Variants in GIMAP4 observed in about 807,000 individuals in gnomAD.
GIMAP4 encodes the protein GTPase IMAP family member 4.
A neutral mutation model predicts 10.8 loss-of-function variants in GIMAP4; 12 were observed. The observed-to-expected ratio is 1.11, with a 90% CI of 0.71 to 1.81. The LOEUF is 1.81. GIMAP4 is among the 40% of genes most tolerant of loss of function. The probability of loss-of-function intolerance (pLI) is 0.00; values close to 1 mark genes in which losing one functional copy is unlikely to be tolerated. For missense variants in GIMAP4, 412 were observed against 404.6 expected (o/e 1.02, Z -0.16); for synonymous variants, 149 against 147.2 (o/e 1.01, Z -0.09).
intron 2 of GIMAP4, 60 bp from the exon 3 acceptor site, chr7:150,572,069 G>C (rs958880388): frequency 2.1e-5 from 23 of 1,106,908 alleles, no homozygotes; most frequent in Non-Finnish European, 2.9e-5. Context: ...GGACTCTGCA[G>C]GGGAATCTAT....
At position 150,573,042 on chromosome 7, in the gene GIMAP4, T is replaced by C. The variant is rs1440698392; in HGVS notation, c.972T>C (p.Arg324=). ...ALQIASFILL[R]LFAED ...AGATTGCTTCCTTTATTTTGTTACG[T>C]CTGTTCGCGGAAGATTAAACTTAAT... is the stretch of plus-strand genomic sequence containing the variant. The change falls in exon 3 of 3, where the codon CGT becomes CGC. Residue 324 remains arginine, a synonymous_variant. Transcript: ENST00000255945. 6.3e-7 allele frequency: 1 copy of C among 1,596,472 alleles called. No homozygotes were observed. Among genetic ancestry groups the C allele is most frequent in the African/African-American group, 1.3e-5 (1 of 74,474 alleles).
chr7:150,568,054 G>T (rs1189980299), intron 1 of GIMAP4, among the ~76,000 whole-genome samples: 1 of 152,112 alleles, frequency 6.6e-6, no homozygotes. Flanking sequence ...GGCAGAGAGA[G>T]GAGAATTCAG....
At chr7:150,569,096 T>C (rs999719381) in intron 1 of GIMAP4, among the ~76,000 whole-genome samples, 7 of 152,208 alleles carry the variant, frequency 4.6e-5, no homozygotes, top group Non-Finnish European at 8.8e-5. Context: ...CTATGGGCCA[T>C]TCTGAGGACT....
At position 150,572,632 on chromosome 7, in the gene GIMAP4, G is replaced by T; in HGVS notation, c.562G>T (p.Ala188Ser). 3 of 1,614,196 alleles carry T rather than the reference G, an allele frequency of 1.9e-6. No homozygotes were observed. The highest frequency in any genetic ancestry group is 2.5e-6 in the Non-Finnish European group (3 of 1,180,020). Residue 188 changes from alanine to serine, a missense_variant, in exon 3 of 3, where the codon GCG (alanine) becomes TCG (serine). By Grantham distance (99) the Ala-to-Ser change is moderately conservative (BLOSUM62 1). Coordinates refer to ENST00000255945, the MANE Select transcript of GIMAP4 (RefSeq NM_018326.3). Reference protein sequence around the residue: ...LMDIFGDRYCALNNKATGAEQ... With the variant: ...LMDIFGDRYCSLNNKATGAEQ... ...GGACATTTTCGGTGACCGCTACTGT[G>T]CGTTAAACAACAAGGCAACAGGCGC...
At chr7:150,570,958 A>T (rs1795721897) in intron 2 of GIMAP4, among the ~76,000 whole-genome samples, 1 of 152,306 alleles carries the variant, frequency 6.6e-6, no homozygotes, top group Admixed American at 6.5e-5. Context: ...GATGGGAGGA[A>T]CTGCAAATCT....
chr7:150,572,186 C>T lies in GIMAP4; in HGVS notation c.116C>T (p.Thr39Ile). Residue 39 changes from threonine to isoleucine, a missense_variant, in exon 3 of 3, where the codon ACC (threonine) becomes ATC (isoleucine). Thr to Ile is a moderately conservative substitution (Grantham distance 89, BLOSUM62 -1). Coordinates refer to ENST00000255945, the MANE Select transcript of GIMAP4 (RefSeq NM_018326.3). ...TTGAGAATTGTGTTAGTGGGTAAAACCGGAGCAGGAAAAAGTGCAACAGGA... is the reference window on the plus strand; with the variant it reads ...TTGAGAATTGTGTTAGTGGGTAAAATCGGAGCAGGAAAAAGTGCAACAGGA... ...SQLRIVLVGK[T>I]GAGKSATGNS... 6.2e-7 allele frequency: 1 copy of T among 1,613,682 alleles called. No homozygotes were observed. The highest frequency in any genetic ancestry group is 2.2e-5 in the East Asian group (1 of 44,868).
At chr7:150,572,089 A>G (rs758837877) in intron 2 of GIMAP4, 40 bp from the exon 3 acceptor site, 1 of 1,368,428 alleles carries the variant, frequency 7.3e-7, no homozygotes, top group Non-Finnish European at 1.0e-6. Context: ...TTAGAGGTAG[A>G]TTCTAACAGC....
rs772433253 is a variant in GIMAP4 at position 150,569,975 on chromosome 7, G to A, written c.58+16G>A. ...GCCAGTTATGGTGAGAGGGCATTCA[G>A]TGCTCCCCAGACCAGGCTGCAGGGA... On this transcript the variant is annotated intron_variant, in intron 2 of 2. Coordinates refer to ENST00000255945, the MANE Select transcript of GIMAP4 (RefSeq NM_018326.3). 1.9e-6 allele frequency: 3 copies of A among 1,567,508 alleles called. No individual in the cohort carries two copies. Among genetic ancestry groups the A allele is most frequent in the East Asian group, 2.3e-5 (1 of 43,406 alleles).
At position 150,572,212 on chromosome 7, in the gene GIMAP4, A is replaced by C; in HGVS notation, c.142A>C (p.Asn48His). The stretch of plus-strand genomic sequence containing the variant: ...CGGAGCAGGAAAAAGTGCAACAGGA[A>C]ACAGCATCCTTGGCCGGAAAGTGTT... Reference protein sequence around the residue: ...KTGAGKSATGNSILGRKVFHS... With the variant: ...KTGAGKSATGHSILGRKVFHS... The change falls in exon 3 of 3, where the codon AAC becomes CAC. Residue 48 changes from asparagine to histidine, a missense_variant. Asn to His is a moderately conservative substitution (Grantham distance 68). Coordinates refer to ENST00000255945, the MANE Select transcript of GIMAP4 (RefSeq NM_018326.3). The C allele has an allele frequency of 6.2e-7, 1 of 1,614,120 alleles. No homozygotes were observed. Among genetic ancestry groups the C allele is most frequent in the Non-Finnish European group, 8.5e-7 (1 of 1,179,978 alleles).
Position 150,573,266 on chromosome 7 carries a change from G to C in GIMAP4, c.*206G>C, listed in dbSNP as rs529560476. 7.7e-6 allele frequency: 4 copies of C among 519,640 alleles called. No individual in the cohort carries two copies. In the South Asian group the frequency reaches 7.9e-5, roughly 10 times the overall value. The allele number at this position is 519,640 out of a possible 1,614,324, so 32.2% of individuals were successfully genotyped here. Reference sequence around the variant, plus strand: ...GTGAAACTCCAAAGCAGAAAGTATTGGTGCTTGCTACCTTGTGAATTCTTC... The same window carrying C: ...GTGAAACTCCAAAGCAGAAAGTATTCGTGCTTGCTACCTTGTGAATTCTTC... On this transcript the variant is annotated 3_prime_UTR_variant, in exon 3 of 3. Transcript: ENST00000255945.
rs564252101 is a variant in GIMAP4 at position 150,572,812 on chromosome 7, C to A, written c.742C>A (p.Leu248Met). The change falls in exon 3 of 3, where the codon CTG (leucine) becomes ATG (methionine). Residue 248 changes from leucine to methionine, a missense_variant. Coordinates refer to ENST00000255945, the MANE Select transcript of GIMAP4 (RefSeq NM_018326.3). ...AATGCAAGAACTCCACAGAGTGGAG[C>A]TGGAGAGAGAGAAAGCGCGGATAAG... ...QAMQELHRVE[L>M]EREKARIREE... 1 of 1,613,786 alleles carries A rather than the reference C, an allele frequency of 6.2e-7. No homozygotes were observed.
Position 150,572,721 on chromosome 7 carries a change from G to A in GIMAP4, c.651G>A (p.Lys217=), listed in dbSNP as rs770416201. ...TCCAGCGCGTGGTGAGGGAGAACAA[G>A]GAAGGCTGCTACACTAATAGGATGT... ...GLIQRVVREN[K]EGCYTNRMYQ... Residue 217 remains lysine, a synonymous_variant, in exon 3 of 3, where the codon AAG becomes AAA. Coordinates refer to ENST00000255945, the MANE Select transcript of GIMAP4 (RefSeq NM_018326.3). 5 of 1,614,084 alleles carry A rather than the reference G, an allele frequency of 3.1e-6. No individual in the cohort carries two copies. Among genetic ancestry groups the A allele is most frequent in the African/African-American group, 1.3e-5 (1 of 74,910 alleles).
rs910741174 is a variant in GIMAP4 at position 150,571,432 on chromosome 7, A to G, written c.59-697A>G. On this transcript the variant is annotated intron_variant, in intron 2 of 2. Coordinates refer to ENST00000255945, the MANE Select transcript of GIMAP4 (RefSeq NM_018326.3). ...ATATAAATTGGGAAAATAAATCTCCACTACAGATATGCTAAAGTCAAATCT... is the reference window on the plus strand; with the variant it reads ...ATATAAATTGGGAAAATAAATCTCCGCTACAGATATGCTAAAGTCAAATCT... Among the ~76,000 whole-genome samples the G allele has an allele frequency of 2.6e-5, 4 of 152,164 alleles. No homozygotes were observed. In the East Asian group the frequency reaches 7.7e-4, roughly 29 times the overall value.
intron 2 of GIMAP4, 43 bp downstream of exon 2, chr7:150,570,002 GT>G: frequency 1.2e-6 from 1 of 814,518 alleles, no homozygotes; most frequent in Non-Finnish European, 1.9e-6. Flanking sequence ...CTGCAGGGAG[GT>G]TAGCAGGTGG....
chr7:150,571,834 T>G (rs1043651026), intron 2 of GIMAP4, among the ~76,000 whole-genome samples: 1 of 152,208 alleles, frequency 6.6e-6, no homozygotes, highest in Non-Finnish European at 1.5e-5. Context: ...CATAGTTCTC[T>G]TCTGAAACCA....
Position 150,572,819 on chromosome 7 carries a change from G to A in GIMAP4, c.749G>A (p.Arg250Lys), listed in dbSNP as rs780673875. 9 of 1,614,058 alleles carry A rather than the reference G, an allele frequency of 5.6e-6. No individual in the cohort carries two copies. In the East Asian group the frequency reaches 1.1e-4, roughly 20 times the overall value. The change falls in exon 3 of 3, where the codon AGA becomes AAA. Residue 250 changes from arginine (R) to lysine (K), a missense_variant. Physicochemically the swap from Arg to Lys is conservative, Grantham distance 26. Coordinates refer to ENST00000255945, the MANE Select transcript of GIMAP4 (RefSeq NM_018326.3). ...MQELHRVELE[R>K]EKARIREEYE... ...GAACTCCACAGAGTGGAGCTGGAGA[G>A]AGAGAAAGCGCGGATAAGAGAGGAG... is the stretch of plus-strand genomic sequence containing the variant.
Position 150,569,935 on chromosome 7 carries a change from C to T in GIMAP4, c.34C>T (p.Pro12Ser), listed in dbSNP as rs142355489. ...AAQYGSMSFN[P>S]STPGASYGPG... Reference sequence around the variant, plus strand: ...CCAATACGGCAGTATGAGCTTCAACCCCAGCACACCAGGGGCCAGTTATGG... The same window carrying T: ...CCAATACGGCAGTATGAGCTTCAACTCCAGCACACCAGGGGCCAGTTATGG... Residue 12 changes from proline to serine, a missense_variant, in exon 2 of 3, where the codon CCC becomes TCC. By Grantham distance (74) the Pro-to-Ser change is moderately conservative. Coordinates refer to ENST00000255945, the MANE Select transcript of GIMAP4 (RefSeq NM_018326.3). 2.5e-6 allele frequency: 4 copies of T among 1,605,534 alleles called. No individual in the cohort carries two copies. In the East Asian group the frequency reaches 6.7e-5, roughly 27 times the overall value.
intron 2 of GIMAP4, among the ~76,000 whole-genome samples, chr7:150,571,428 C>T (rs1317276): frequency 6.6e-6 from 1 of 151,962 alleles, no homozygotes. Context: ...GAAAATAAAT[C>T]TCCACTACAG....
chr7:150,572,884 C>G lies in GIMAP4; in HGVS notation c.814C>G (p.Gln272Glu). ...CAGAAAGCTGGAAGATAAAGTGGAGCAGGAAAAGAGAAAGAAGCAAATGGA... is the reference window on the plus strand; with the variant it reads ...CAGAAAGCTGGAAGATAAAGTGGAGGAGGAAAAGAGAAAGAAGCAAATGGA... ...KIRKLEDKVE[Q>E]EKRKKQMEKK... Residue 272 changes from glutamine to glutamate, a missense_variant, in exon 3 of 3, where the codon CAG (glutamine) becomes GAG (glutamate). Gln to Glu is a conservative substitution (Grantham distance 29). Transcript: ENST00000255945. 6.2e-7 allele frequency: 1 copy of G among 1,613,828 alleles called. No individual in the cohort carries two copies. Among genetic ancestry groups the G allele is most frequent in the Non-Finnish European group, 8.5e-7 (1 of 1,179,908 alleles).
Sources: gnomAD v4.1 joint callset for allele counts (sites outside exome capture counted in the v4.1 genomes callset) on GRCh38, gnomAD v4.1.1 for gene constraint, MANE v1.5 for transcripts, NCBI Gene and HGNC (gene_info 2026-07-23, HGNC 2026-07-21) for gene names.